COLEC10: variants seen among roughly 807,000 people sequenced by gnomAD.
COLEC10 encodes the protein collectin-10.
A neutral mutation model predicts 28.4 loss-of-function variants in COLEC10; 22 were observed. The observed-to-expected ratio is 0.78, with a 90% CI of 0.55 to 1.11. The LOEUF (loss-of-function observed/expected upper bound fraction) is 1.11. Ranked by LOEUF, COLEC10 falls within the 50% of genes least tolerant of loss-of-function variation. The pLI is 0.00. For missense variants in COLEC10, 361 were observed against 344.1 expected, an observed-to-expected ratio of 1.05 and a Z score of -0.39; for synonymous variants, 125 against 116.1, an observed-to-expected ratio of 1.08 and a Z score of -0.49.
chr8:119,061,085 T>C (rs1648243799), intron 2 of COLEC10, among the ~76,000 whole-genome samples: 1 of 152,044 alleles, frequency 6.6e-6, no homozygotes. Flanking sequence ...TAAACATTCG[T>C]TGAATGAAAT....
At chr8:119,062,941 C>T (rs1238360465), upstream of COLEC10, 1 of 152,138 alleles carries the variant, frequency 6.6e-6, no homozygotes, top group Non-Finnish European at 1.5e-5. Flanking sequence ...CAAGAGAGGA[C>T]TTTAATCCAC....
intron 1 of COLEC10, among the ~76,000 whole-genome samples, chr8:119,082,952 T>A (rs1476279640): frequency 6.6e-6 from 1 of 152,184 alleles, no homozygotes; most frequent in Non-Finnish European, 1.5e-5. Context: ...CTCACAGTAA[T>A]TATCTGCTTC....
chr8:118,979,563 T>C, the COLEC10 span, among the ~76,000 whole-genome samples: 1 of 152,046 alleles, frequency 6.6e-6, no homozygotes, highest in African/African-American at 2.4e-5. Flanking sequence ...TTTGTAAACA[T>C]AAAACTAATA....
At chr8:119,087,909 C>T (rs747708845) in intron 1 of COLEC10, among the ~76,000 whole-genome samples, 3 of 152,136 alleles carry the variant, frequency 2.0e-5, no homozygotes, top group Admixed American at 6.5e-5. Context: ...TAGAGCAATA[C>T]GAGTTTCCAT....
chr8:119,062,732 G>A (rs1042471214), upstream of COLEC10, among the ~76,000 whole-genome samples: 1 of 151,916 alleles, frequency 6.6e-6, no homozygotes, highest in Non-Finnish European at 1.5e-5. Flanking sequence ...CACCCACCTC[G>A]GCCTCCCAAA....
intron 1 of COLEC10, among the ~76,000 whole-genome samples, chr8:119,007,588 GC>G (rs1813827479): frequency 6.6e-6 from 1 of 151,136 alleles, no homozygotes; most frequent in Admixed American, 6.6e-5. Context: ...AGCCCAGTTG[GC>G]CTGAAATTTA....
chr8:119,004,193 A>C (rs985463262), intron 1 of COLEC10, among the ~76,000 whole-genome samples: 1 of 151,978 alleles, frequency 6.6e-6, no homozygotes, highest in Non-Finnish European at 1.5e-5. Flanking sequence ...ACCCCTGGGG[A>C]AATAGTTTCC....
At chr8:119,054,781 C>T (rs1008652667) in intron 2 of COLEC10, among the ~76,000 whole-genome samples, 1 of 152,074 alleles carries the variant, frequency 6.6e-6, no homozygotes, top group African/African-American at 2.4e-5. Flanking sequence ...TAAATTGTGA[C>T]ATGCCCTTCC....
At chr8:119,028,697 A>T (rs576754219) in intron 2 of COLEC10, among the ~76,000 whole-genome samples, 6 of 152,282 alleles carry the variant, frequency 3.9e-5, no homozygotes, top group African/African-American at 1.2e-4. Context: ...ATATCCTGTA[A>T]AGGGTTATTA....
rs1387583901 is a variant in COLEC10, at chr8:119,069,630, ATATAT to A, written c.148+2202_148+2206del. Among the ~76,000 whole-genome samples, 151 of 28,868 alleles carry A rather than the reference ATATAT, an allele frequency of 5.2e-3. 1 individual carries two copies. The highest frequency in any genetic ancestry group is 5.9e-3 in the African/African-American group (43 of 7,350). 18.9% of individuals were successfully genotyped at this position (28,868 alleles called of 152,430 possible). A position where few individuals can be genotyped will look rare whatever the true frequency, so the allele number is the denominator to read the frequency against. On this transcript the variant is annotated intron_variant, in intron 1 of 5. Coordinates refer to ENST00000332843, the MANE Select transcript of COLEC10 (RefSeq NM_006438.5). ...CAAAAAAAAAAAAAAAAAAAAAAAA[ATATAT>A]ATATATATATATATATATATATATA...
intron 2 of COLEC10, among the ~76,000 whole-genome samples, chr8:119,045,985 G>A (rs554788807): frequency 6.6e-6 from 1 of 152,298 alleles, no homozygotes; most frequent in South Asian, 2.1e-4. Context: ...AAAATTTACG[G>A]TAGATTGACT....
At chr8:118,995,999 C>T (rs1425197703) in intron 1 of COLEC10, among the ~76,000 whole-genome samples, 2 of 152,132 alleles carry the variant, frequency 1.3e-5, no homozygotes, top group African/African-American at 2.4e-5. Flanking sequence ...ACTTATTCAT[C>T]TTGCATAGTT....
chr8:119,049,912 C>A (rs1467590539), intron 2 of COLEC10, among the ~76,000 whole-genome samples: 1 of 152,108 alleles, frequency 6.6e-6, no homozygotes, highest in African/African-American at 2.4e-5. Context: ...GGGGGGAATA[C>A]AGTATTGCTA....
At chr8:119,031,582 G>A (rs991516177) in intron 2 of COLEC10, among the ~76,000 whole-genome samples, 4 of 152,218 alleles carry the variant, frequency 2.6e-5, no homozygotes, top group Non-Finnish European at 5.9e-5. Context: ...TTAGTGAATT[G>A]TGATGCTGAT....
intron 2 of COLEC10, among the ~76,000 whole-genome samples, chr8:119,017,228 G>A (rs1814010732): frequency 6.6e-6 from 1 of 152,172 alleles, no homozygotes; most frequent in South Asian, 2.1e-4. Flanking sequence ...TCTGAATCCA[G>A]GGCATGTGGT....
At chr8:118,956,450 G>A in the COLEC10 span, among the ~76,000 whole-genome samples, 327 of 152,260 alleles carry the variant, frequency 2.1e-3, no homozygotes, top group African/African-American at 7.6e-3. Context: ...TAGGGAAGTT[G>A]GGAAATAAGG....
At chr8:119,048,763 AGAG>A in intron 2 of COLEC10, among the ~76,000 whole-genome samples, 1 of 152,276 alleles carries the variant, frequency 6.6e-6, no homozygotes, top group South Asian at 2.1e-4. Context: ...TGAAGACAGC[AGAG>A]GGTTGGGGCT....
chr8:118,968,296 G>A, the COLEC10 span, among the ~76,000 whole-genome samples: 1 of 151,370 alleles, frequency 6.6e-6, no homozygotes, highest in African/African-American at 2.4e-5. Context: ...ATGTCATTTG[G>A]GTGTGGAGTT....
chr8:119,086,650 G>C (rs1380673350), intron 1 of COLEC10, among the ~76,000 whole-genome samples: 1 of 152,166 alleles, frequency 6.6e-6, no homozygotes, highest in African/African-American at 2.4e-5. Context: ...CACTCACCCG[G>C]CTGCCTCTGG....
Sources: gnomAD v4.1 joint callset for allele counts (sites outside exome capture counted in the v4.1 genomes callset) on GRCh38, gnomAD v4.1.1 for gene constraint, MANE v1.5 for transcripts, NCBI Gene and HGNC (gene_info 2026-07-23, HGNC 2026-07-21) for gene names.